Variants in PTP4A2 observed in about 807,000 individuals in gnomAD.
PTP4A2 encodes the protein protein tyrosine phosphatase type IVA 2.
A neutral mutation model predicts 22.9 loss-of-function variants in PTP4A2; 2 were observed. The observed-to-expected ratio is 0.09, with a 90% confidence interval of 0.04 to 0.27. The LOEUF is 0.27. Among genes scored for constraint, PTP4A2 ranks in the 10% least tolerant of loss-of-function variants. The pLI is 1.00. For missense variants in PTP4A2, 103 were observed against 205.1 expected (o/e 0.50, Z 3.04); for synonymous variants, 68 against 69.1 (o/e 0.98, Z 0.08).
At chr1:31,928,387 A>G (rs924582699) in intron 1 of PTP4A2, among the ~76,000 whole-genome samples, 1 of 151,698 alleles carries the variant, frequency 6.6e-6, no homozygotes, top group African/African-American at 2.4e-5. Flanking sequence ...CAAAAATAAG[A>G]TGCTTTTTTT....
rs1357396721 is a variant in PTP4A2, at chr1:31,908,257, A to G, written c.*595T>C. The G allele has an allele frequency of 8.4e-6, 1 of 118,622 alleles. No homozygotes were observed. The highest frequency in any genetic ancestry group is 8.9e-5 in the Admixed American group (1 of 11,298). The allele number at this position is 118,622 out of a possible 1,614,324, so 7.3% of individuals were successfully genotyped here. A position where few individuals can be genotyped will look rare whatever the true frequency, so the allele number is the denominator to read the frequency against. On this transcript the variant is annotated 3_prime_UTR_variant, in exon 6 of 6. Transcript: ENST00000647444. ...TTTTGTTTTTTTTTTTTTTTTATCT[A>G]AAAGTGCCCAGGTGGGCTTAAGGCT... is the stretch of plus-strand genomic sequence containing the variant.
intron 3 of PTP4A2, chr1:31,914,402 G>A: frequency 2.6e-6 from 1 of 379,576 alleles, no homozygotes; most frequent in South Asian, 1.9e-5. Flanking sequence ...TGGCTATTTA[G>A]TTTTTATTTT....
chr1:31,911,840 ACCT>A lies in PTP4A2; in HGVS notation c.190-17_190-15del, dbSNP rs1651548955. ...AAATGGCCAATCCTGAAAAGAAATG[ACCT>A]TTTACATTAAATTGATATTTTCTCC... On this transcript the variant is annotated splice_polypyrimidine_tract_variant and intron_variant, in intron 3 of 5. Transcript: ENST00000647444. 1 of 1,547,384 alleles carries A rather than the reference ACCT, an allele frequency of 6.5e-7. No homozygotes were observed. Among genetic ancestry groups the A allele is most frequent in the South Asian group, 1.2e-5 (1 of 81,740 alleles).
intron 1 of PTP4A2, among the ~76,000 whole-genome samples, chr1:31,922,281 C>T (rs2124207564): frequency 6.6e-6 from 1 of 152,338 alleles, no homozygotes. Flanking sequence ...GTCAGGAGTT[C>T]AAGACCAGCC....
At chr1:31,934,800 A>T (rs1652865282) in intron 1 of PTP4A2, among the ~76,000 whole-genome samples, 1 of 152,188 alleles carries the variant, frequency 6.6e-6, no homozygotes, top group Admixed American at 6.5e-5. Flanking sequence ...AAGTTCAATG[A>T]TGTTGTAAAT....
At chr1:31,914,869 C>CA (rs1302878661) in intron 3 of PTP4A2, among the ~76,000 whole-genome samples, 2 of 152,098 alleles carry the variant, frequency 1.3e-5, no homozygotes, top group Non-Finnish European at 1.5e-5. Context: ...TTGAGCTAGA[C>CA]AAAAAATCTA....
chr1:31,937,370 C>T (rs893833303), intron 1 of PTP4A2, among the ~76,000 whole-genome samples: 1 of 151,978 alleles, frequency 6.6e-6, no homozygotes, highest in African/African-American at 2.4e-5. Context: ...GGACAAGATG[C>T]TCCCGGAAAG....
At chr1:31,937,595 C>T (rs1652999324) in intron 1 of PTP4A2, among the ~76,000 whole-genome samples, 1 of 151,076 alleles carries the variant, frequency 6.6e-6, no homozygotes, top group African/African-American at 2.4e-5. Context: ...CCCCCATTTA[C>T]TCACTCATTC....
chr1:31,918,553 T>C (rs572916727), intron 2 of PTP4A2, among the ~76,000 whole-genome samples: 1 of 152,384 alleles, frequency 6.6e-6, no homozygotes, highest in Non-Finnish European at 1.5e-5. Context: ...TAAATGGCTC[T>C]GAACCTGTTT....
At chr1:31,923,953 A>G (rs1652327500) in intron 1 of PTP4A2, 1 of 152,210 alleles carries the variant, frequency 6.6e-6, no homozygotes, top group South Asian at 2.1e-4. Context: ...GGAGTTTATT[A>G]AAGTAACTAC....
rs1285385337 is a variant in PTP4A2 at position 31,906,872 on chromosome 1, A to AC, written c.*1979dup. 1 of 152,130 alleles carries AC rather than the reference A, an allele frequency of 6.6e-6. No individual in the cohort carries two copies. The highest frequency in any genetic ancestry group is 2.4e-5 in the African/African-American group (1 of 41,416). The allele number at this position is 152,130 out of a possible 1,614,324, so 9.4% of individuals were successfully genotyped here. On this transcript the variant is annotated 3_prime_UTR_variant, in exon 6 of 6. Coordinates refer to ENST00000647444, the MANE Select transcript of PTP4A2 (RefSeq NM_080391.4). ...TTGATCAAAACCCAGTGGAATCAACACCATCTATCTTAGCTTAGCAGGTAT... is the reference window on the plus strand; with the variant it reads ...TTGATCAAAACCCAGTGGAATCAACACCCATCTATCTTAGCTTAGCAGGTAT...
In PTP4A2 at chr1:31,936,295, C is replaced by G. The variant is rs534428357; in HGVS notation, c.-594+1692G>C. On this transcript the variant is annotated intron_variant, in intron 1 of 5. Transcript: ENST00000647444. ...CTCTACTAAAAATATGAAAATTAGC[C>G]GGGTGTGGTGGCACACACTTGTATT... Among the ~76,000 whole-genome samples the G allele has an allele frequency of 5.9e-5, 9 of 151,670 alleles. No individual in the cohort carries two copies. In the East Asian group the frequency reaches 1.4e-3, roughly 23 times the overall value.
rs867428578 is a variant in PTP4A2 at position 31,908,136 on chromosome 1, T to G, written c.*716A>C. On this transcript the variant is annotated 3_prime_UTR_variant, in exon 6 of 6. Transcript: ENST00000647444. ...AAAATATATATATATATATATATATTATATTATATATATATATATATATAT... is the reference window on the plus strand; with the variant it reads ...AAAATATATATATATATATATATATGATATTATATATATATATATATATAT... The G allele has an allele frequency of 3.6e-4, 1 of 2,748 alleles. No homozygotes were observed. The highest frequency in any genetic ancestry group is 1.4e-3 in the African/African-American group (1 of 710). 0.2% of individuals were successfully genotyped at this position (2,748 alleles called of 1,614,324 possible).
chr1:31,936,411 C>CA lies in PTP4A2; in HGVS notation c.-594+1575dup, dbSNP rs546013145. Among the ~76,000 whole-genome samples the CA allele has an allele frequency of 3.9e-3, 568 of 144,900 alleles. 8 individuals carry two copies. Among genetic ancestry groups the CA allele is most frequent in the African/African-American group, 0.011 (454 of 39,532 alleles). The stretch of plus-strand genomic sequence containing the variant: ...AGCGAGACTCCATCTCAAAAACAAA[C>CA]AAAAAAAAAACAAAAGGACCATACT... On this transcript the variant is annotated intron_variant, in intron 1 of 5. Coordinates refer to ENST00000647444, the MANE Select transcript of PTP4A2 (RefSeq NM_080391.4).
intron 1 of PTP4A2, among the ~76,000 whole-genome samples, chr1:31,926,934 A>G (rs1221372235): frequency 2.0e-5 from 3 of 152,122 alleles, no homozygotes; most frequent in Non-Finnish European, 2.9e-5. Context: ...GTATTTGGGG[A>G]GCATTTTAGG....
chr1:31,927,528 G>T (rs959234514), intron 1 of PTP4A2, among the ~76,000 whole-genome samples: 1 of 152,018 alleles, frequency 6.6e-6, no homozygotes, highest in African/African-American at 2.4e-5. Flanking sequence ...GCTGAAAAAG[G>T]AGAGAAAAAA....
rs1653037925 is a variant in PTP4A2 at position 31,938,231 on chromosome 1, C to T, written c.-838G>A. 1.3e-5 allele frequency: 2 copies of T among 154,094 alleles called. No individual in the cohort carries two copies. Among genetic ancestry groups the T allele is most frequent in the Non-Finnish European group, 2.8e-5 (2 of 71,050 alleles). 9.5% of individuals were successfully genotyped at this position (154,094 alleles called of 1,614,324 possible). A position where few individuals can be genotyped will look rare whatever the true frequency, so the allele number is the denominator to read the frequency against. ...GCTGCGTCTCCTGCTGCCGCCGCTG[C>T]CTCCGCTGCCGCCGCTGCCCTGTGG... On this transcript the variant is annotated 5_prime_UTR_variant, in exon 1 of 6. Transcript: ENST00000647444. This position sits in a 1 kb window ranked among gnomAD's most constrained non-coding sequence, Gnocchi z 4.4.
chr1:31,920,362 G>C (rs1652081282), intron 1 of PTP4A2, among the ~76,000 whole-genome samples: 1 of 151,434 alleles, frequency 6.6e-6, no homozygotes, highest in Non-Finnish European at 1.5e-5. Context: ...AGAATTGCTT[G>C]AACCTGGGAG....
rs1254395900 is a variant in PTP4A2, at chr1:31,907,557, A to C, written c.*1295T>G. Reference sequence around the variant, plus strand: ...TCACTAGGCATCATTGTTGGTTTTAAACCAGGGATTTTTTTTTTTTAATCT... The same window carrying C: ...TCACTAGGCATCATTGTTGGTTTTACACCAGGGATTTTTTTTTTTTAATCT... On this transcript the variant is annotated 3_prime_UTR_variant, in exon 6 of 6. Coordinates refer to ENST00000647444, the MANE Select transcript of PTP4A2 (RefSeq NM_080391.4). 6.6e-6 allele frequency: 1 copy of C among 151,960 alleles called. No homozygotes were observed. Among genetic ancestry groups the C allele is most frequent in the African/African-American group, 2.4e-5 (1 of 41,378 alleles). 9.4% of individuals were successfully genotyped at this position (151,960 alleles called of 1,614,324 possible).
Sources: gnomAD v4.1 joint callset for allele counts (sites outside exome capture counted in the v4.1 genomes callset) on GRCh38, gnomAD v4.1.1 for gene constraint, Gnocchi (gnomAD v3.1) non-coding constraint, MANE v1.5 for transcripts, NCBI Gene and HGNC (gene_info 2026-07-23, HGNC 2026-07-21) for gene names.